PTPRZ1: variants seen among roughly 807,000 people sequenced by gnomAD.
PTPRZ1 encodes protein tyrosine phosphatase receptor type Z1.
In PTPRZ1, 82 loss-of-function variants were observed where a neutral mutation model predicts 214.1. The observed-to-expected ratio is 0.38, with a 90% CI of 0.32 to 0.46. The LOEUF (loss-of-function observed/expected upper bound fraction) is 0.46, where lower values mean the gene tolerates loss of function less well. PTPRZ1 is among the 20% of genes least tolerant of loss of function. The probability of loss-of-function intolerance (pLI) is 1.00; values close to 1 mark genes in which losing one functional copy is unlikely to be tolerated. For missense variants in PTPRZ1, 2,603 were observed against 2,748.7 expected (o/e 0.95, Z 1.19); for synonymous variants, 945 against 987.9 (o/e 0.96, Z 0.81).
chr7:121,974,118 AATAAG>A (rs1413944777), intron 4 of PTPRZ1, among the ~76,000 whole-genome samples: 1 of 152,062 alleles, frequency 6.6e-6, no homozygotes, highest in African/African-American at 2.4e-5. Context: ...TAATAATAAA[AATAAG>A]ATAGGGTGAA....
At chr7:121,955,984 C>T (rs372984674) in intron 2 of PTPRZ1, among the ~76,000 whole-genome samples, 13 of 152,172 alleles carry the variant, frequency 8.5e-5, no homozygotes, top group East Asian at 1.9e-4. Flanking sequence ...GGGGTTCTGA[C>T]GGTTTGATAG....
In PTPRZ1 at chr7:122,012,605, C is replaced by A; in HGVS notation, c.3559C>A (p.Gln1187Lys). 2 of 1,613,704 alleles carry A rather than the reference C, an allele frequency of 1.2e-6. No homozygotes were observed. The highest frequency in any genetic ancestry group is 2.2e-5 in the East Asian group (1 of 44,880). The change falls in exon 12 of 30, where the codon CAG becomes AAG. Residue 1187 changes from glutamine (Q) to lysine (K), a missense_variant. By Grantham distance (53) the Gln-to-Lys change is moderately conservative (BLOSUM62 1). Transcript: ENST00000393386. Reference sequence around the variant, plus strand: ...TGAAGTATTGCTACAACCTTCCTTTCAGGCTTCTGATGTTGACACCTTGCT... The same window carrying A: ...TGAAGTATTGCTACAACCTTCCTTTAAGGCTTCTGATGTTGACACCTTGCT... The part of the protein sequence containing the change: ...STEVLLQPSF[Q>K]ASDVDTLLKT...
chr7:122,045,261 C>T (rs544971669), intron 23 of PTPRZ1, among the ~76,000 whole-genome samples: 1 of 152,208 alleles, frequency 6.6e-6, no homozygotes, highest in African/African-American at 2.4e-5. Flanking sequence ...TGTTCCTGTG[C>T]TATCTGCTTG....
chr7:121,878,594 G>A (rs990208042), intron 1 of PTPRZ1, among the ~76,000 whole-genome samples: 1 of 152,160 alleles, frequency 6.6e-6, no homozygotes, highest in Non-Finnish European at 1.5e-5. Flanking sequence ...TTGAACAGAA[G>A]AGATTAACTG....
At chr7:122,037,489 G>GTT (rs1242873537) in intron 18 of PTPRZ1, among the ~76,000 whole-genome samples, 36 of 152,172 alleles carry the variant, frequency 2.4e-4, no homozygotes, top group African/African-American at 8.7e-4. Flanking sequence ...ACTCTCCAGA[G>GTT]ACTGTAGACC....
At chr7:121,964,478 T>C (rs1796981156) in intron 2 of PTPRZ1, among the ~76,000 whole-genome samples, 1 of 152,132 alleles carries the variant, frequency 6.6e-6, no homozygotes, top group Non-Finnish European at 1.5e-5. Flanking sequence ...GGAAACCGCC[T>C]CAATGATTCA....
chr7:122,051,605 T>C, intron 24 of PTPRZ1, 84 bp downstream of exon 24: 1 of 1,048,972 alleles, frequency 9.5e-7, no homozygotes, highest in Non-Finnish European at 1.4e-6. Context: ...TGTATACCTT[T>C]GGAGCAAATG....
intron 8 of PTPRZ1, among the ~76,000 whole-genome samples, chr7:121,991,803 C>T (rs1584719282): frequency 6.6e-6 from 1 of 152,250 alleles, no homozygotes; most frequent in South Asian, 2.1e-4. Context: ...TTCAGAAGTA[C>T]AAAACAGGGA....
intron 1 of PTPRZ1, among the ~76,000 whole-genome samples, chr7:121,923,643 A>G (rs1429960291): frequency 1.3e-5 from 2 of 152,110 alleles, no homozygotes; most frequent in Non-Finnish European, 2.9e-5. Flanking sequence ...TTTAGAATTC[A>G]AAATATTTAT....
At chr7:121,960,251 G>C (rs1316166428) in intron 2 of PTPRZ1, among the ~76,000 whole-genome samples, 1 of 152,132 alleles carries the variant, frequency 6.6e-6, no homozygotes, top group Non-Finnish European at 1.5e-5. Flanking sequence ...ATGTTGGCCA[G>C]GCTCGTCTCA....
chr7:122,045,076 C>A (rs1799847451), intron 23 of PTPRZ1, among the ~76,000 whole-genome samples: 2 of 152,104 alleles, frequency 1.3e-5, no homozygotes, highest in African/African-American at 2.4e-5. Flanking sequence ...AAGCCAGAGA[C>A]AAGAGCATGT....
chr7:121,973,324 A>G (rs922441541), intron 4 of PTPRZ1, among the ~76,000 whole-genome samples: 2 of 152,204 alleles, frequency 1.3e-5, no homozygotes, highest in African/African-American at 4.8e-5. Flanking sequence ...AATGATATAT[A>G]TACATATAAA....
At chr7:121,960,812 T>C (rs1327580073) in intron 2 of PTPRZ1, among the ~76,000 whole-genome samples, 1 of 152,224 alleles carries the variant, frequency 6.6e-6, no homozygotes, top group Non-Finnish European at 1.5e-5. Flanking sequence ...CTTGTGTTAA[T>C]GGCTGGTGGA....
chr7:122,035,491 C>T (rs193124304), intron 17 of PTPRZ1, among the ~76,000 whole-genome samples: 1 of 152,332 alleles, frequency 6.6e-6, no homozygotes, highest in East Asian at 1.9e-4. Context: ...CACCTACCTA[C>T]TATGTGGCTG....
intron 27 of PTPRZ1, among the ~76,000 whole-genome samples, chr7:122,057,645 CTTTTTTTTTTTTTTGTCTTTT>C (rs1465648488): frequency 5.5e-5 from 7 of 128,176 alleles, no homozygotes; most frequent in South Asian, 4.7e-4. Flanking sequence ...CTTTGTGATT[CTTTTTTTTTTTTTTGTCTTTT>C]TTTTTGTGAA....
At chr7:122,008,070 A>G (rs930088308) in intron 11 of PTPRZ1, among the ~76,000 whole-genome samples, 2 of 151,908 alleles carry the variant, frequency 1.3e-5, no homozygotes, top group African/African-American at 2.4e-5. Flanking sequence ...TTTCCCAACT[A>G]TGTAATAAGA....
At chr7:122,039,079 A>G (rs1147489) in intron 19 of PTPRZ1, among the ~76,000 whole-genome samples, 190 bp downstream of exon 19, 48,180 of 152,052 alleles carry the variant, frequency 0.32, 8,188 homozygotes, top group African/African-American at 0.45. Context: ...GAATCATGCT[A>G]TCTGCCTTTT....
chr7:122,005,704 T>C (rs756178278), intron 11 of PTPRZ1, among the ~76,000 whole-genome samples: 16 of 151,842 alleles, frequency 1.1e-4, no homozygotes, highest in Non-Finnish European at 2.2e-4. Context: ...AAAAAAGAAA[T>C]TATATTTGTG....
intron 2 of PTPRZ1, among the ~76,000 whole-genome samples, chr7:121,939,151 G>A (rs910538029): frequency 1.3e-5 from 2 of 152,166 alleles, no homozygotes; most frequent in African/African-American, 2.4e-5. Flanking sequence ...AATTTCAGGG[G>A]ATCATCCCAA....
Sources: gnomAD v4.1 joint callset for allele counts (sites outside exome capture counted in the v4.1 genomes callset) on GRCh38, gnomAD v4.1.1 for gene constraint, MANE v1.5 for transcripts, NCBI Gene and HGNC (gene_info 2026-07-23, HGNC 2026-07-21) for gene names.